The following SNTG1 variants were observed in gnomAD, a reference collection of about 807,000 sequenced individuals.
SNTG1 encodes syntrophin gamma 1.
A neutral mutation model predicts 74.7 loss-of-function variants in SNTG1; 39 were observed. The ratio of observed to expected loss-of-function variants is 0.52; its 90% CI spans 0.40 to 0.68. The LOEUF (loss-of-function observed/expected upper bound fraction) is 0.68, where lower values mean the gene tolerates loss of function less well. SNTG1 is among the 30% of genes least tolerant of loss of function. SNTG1 has a pLI of 0.00. For synonymous variants in SNTG1, 254 were observed against 217.1 expected (o/e 1.17, Z -1.49); for missense variants, 685 against 609.5 (o/e 1.12, Z -1.30).
intron 9 of SNTG1, among the ~76,000 whole-genome samples, chr8:50,513,856 C>T (rs1214425349): frequency 6.6e-6 from 1 of 152,216 alleles, no homozygotes; most frequent in Non-Finnish European, 1.5e-5. Context: ...TGACCCCTTG[C>T]ACTTCCTAGG....
chr8:50,470,371 T>C (rs1303224146), intron 8 of SNTG1, among the ~76,000 whole-genome samples: 3 of 152,308 alleles, frequency 2.0e-5, no homozygotes, highest in Admixed American at 2.0e-4. Context: ...AGAATGAAGC[T>C]GCAGACCCTC....
At chr8:50,462,639 C>A (rs768600095) in intron 8 of SNTG1, among the ~76,000 whole-genome samples, 4 of 152,118 alleles carry the variant, frequency 2.6e-5, no homozygotes, top group Non-Finnish European at 5.9e-5. Context: ...ATTCTAAATT[C>A]TTTGTTGTCA....
At chr8:50,537,521 TG>T (rs1161500778) in intron 11 of SNTG1, among the ~76,000 whole-genome samples, 1 of 152,164 alleles carries the variant, frequency 6.6e-6, no homozygotes, top group African/African-American at 2.4e-5. Context: ...CTTTTTATCT[TG>T]ATCAGTTTTG....
At chr8:49,969,857 T>G (rs1220099681) in intron 1 of SNTG1, among the ~76,000 whole-genome samples, 6 of 152,054 alleles carry the variant, frequency 3.9e-5, no homozygotes, top group African/African-American at 1.2e-4. Context: ...TCACTCTTCC[T>G]CAGCCACACT....
At chr8:50,366,883 T>C (rs1441919784) in intron 2 of SNTG1, among the ~76,000 whole-genome samples, 1 of 146,842 alleles carries the variant, frequency 6.8e-6, no homozygotes, top group Non-Finnish European at 1.5e-5. Context: ...ATCTTCCATA[T>C]TGGTTCTTAA....
intron 2 of SNTG1, among the ~76,000 whole-genome samples, chr8:50,175,742 G>A (rs2082977311): frequency 1.3e-5 from 2 of 152,290 alleles, no homozygotes; most frequent in South Asian, 2.1e-4. Context: ...CTTGAGGGCG[G>A]CTATTCTCAT....
At chr8:50,777,765 A>C (rs553588424) in intron 18 of SNTG1, among the ~76,000 whole-genome samples, 2 of 151,886 alleles carry the variant, frequency 1.3e-5, no homozygotes, top group South Asian at 4.2e-4. Flanking sequence ...GGTTAGTTAC[A>C]TATGTATACA....
At chr8:49,991,709 G>A (rs1233240136) in intron 1 of SNTG1, among the ~76,000 whole-genome samples, 1 of 152,156 alleles carries the variant, frequency 6.6e-6, no homozygotes, top group African/African-American at 2.4e-5. Context: ...AGTTACAAAA[G>A]AGCACATATG....
intron 8 of SNTG1, among the ~76,000 whole-genome samples, chr8:50,479,242 T>C (rs1256387378): frequency 6.6e-6 from 1 of 152,086 alleles, no homozygotes; most frequent in Non-Finnish European, 1.5e-5. Flanking sequence ...AGAATATAAT[T>C]GGAATTAAAA....
intron 1 of SNTG1, among the ~76,000 whole-genome samples, chr8:50,151,241 T>C (rs938495689): frequency 6.6e-6 from 1 of 152,192 alleles, no homozygotes; most frequent in Non-Finnish European, 1.5e-5. Flanking sequence ...TGTATTTCTG[T>C]GGAATTGGTG....
At chr8:50,147,533 T>C (rs1354072169) in intron 1 of SNTG1, among the ~76,000 whole-genome samples, 1 of 152,128 alleles carries the variant, frequency 6.6e-6, no homozygotes, top group Admixed American at 6.6e-5. Flanking sequence ...AGTAATAAAA[T>C]ATAAGTAATG....
At chr8:50,416,782 C>T (rs568906478) in intron 4 of SNTG1, among the ~76,000 whole-genome samples, 3 of 152,058 alleles carry the variant, frequency 2.0e-5, no homozygotes, top group African/African-American at 7.2e-5. Flanking sequence ...TGATTTAATG[C>T]TAAGATCTGT....
In SNTG1 at chr8:50,792,688, T is replaced by C. The variant is rs2095694529; in HGVS notation, c.1413T>C (p.Asn471=). The change falls in exon 19 of 19, where the codon AAT becomes AAC. Residue 471 remains asparagine (N), a synonymous_variant. Coordinates refer to ENST00000642720, the MANE Select transcript of SNTG1 (RefSeq NM_018967.5). ...CCTTTCAGGAGTTGGAATTTTCTAA[T>C]TTATTTGCTGTTCTTCACTGCATTC... The part of the protein sequence containing the change: ...QIEAKELEFS[N]LFAVLHCIHS... 2.5e-6 allele frequency: 4 copies of C among 1,609,928 alleles called. No homozygotes were observed. The East Asian group carries it at 8.9e-5, about 36-fold the overall frequency.
intron 11 of SNTG1, among the ~76,000 whole-genome samples, chr8:50,539,145 T>G (rs1006438547): frequency 6.6e-6 from 1 of 152,194 alleles, no homozygotes. Flanking sequence ...ATTTTCAATA[T>G]CTCATTCATT....
chr8:50,535,408 C>T (rs1050868796), intron 10 of SNTG1, among the ~76,000 whole-genome samples: 4 of 152,074 alleles, frequency 2.6e-5, no homozygotes, highest in African/African-American at 7.2e-5. Flanking sequence ...CATCACATGC[C>T]GATCATCCAT....
At chr8:50,011,116 A>T (rs1230238636) in intron 1 of SNTG1, among the ~76,000 whole-genome samples, 1 of 152,130 alleles carries the variant, frequency 6.6e-6, no homozygotes. Flanking sequence ...GAAATGACAC[A>T]AGCTCTGTAA....
At chr8:50,505,932 A>G (rs1313449536) in intron 9 of SNTG1, among the ~76,000 whole-genome samples, 1 of 152,034 alleles carries the variant, frequency 6.6e-6, no homozygotes, top group East Asian at 1.9e-4. Flanking sequence ...GCCAAATCCA[A>G]TGTCATAAAG....
chr8:50,427,425 A>C (rs765284678), intron 4 of SNTG1, among the ~76,000 whole-genome samples: 7 of 152,146 alleles, frequency 4.6e-5, no homozygotes, highest in African/African-American at 7.2e-5. Flanking sequence ...GTATATATAC[A>C]CTTTTTTTAT....
intron 2 of SNTG1, among the ~76,000 whole-genome samples, chr8:50,350,996 C>T (rs913368658): frequency 2.0e-5 from 3 of 152,166 alleles, no homozygotes; most frequent in African/African-American, 7.2e-5. Context: ...TGTTGGTGCT[C>T]ACTCTTTGGG....
Sources: allele counts gnomAD v4.1 joint callset (sites outside exome capture counted in the v4.1 genomes callset), GRCh38; gene constraint gnomAD v4.1.1; transcripts MANE v1.5; gene names NCBI Gene and HGNC (gene_info 2026-07-23, HGNC 2026-07-21).